ARHGAP10: variants seen among roughly 807,000 people sequenced by gnomAD.
ARHGAP10 encodes the protein Rho GTPase activating protein 10.
ARHGAP10 carries 87 observed loss-of-function variants against 108.6 expected under a neutral mutation model. That is an observed-to-expected ratio of 0.80 (90% CI 0.67 to 0.96). ARHGAP10 has a LOEUF of 0.96. Ranked by LOEUF, ARHGAP10 falls within the 40% of genes least tolerant of loss-of-function variation. ARHGAP10 has a pLI of 0.00. For missense variants in ARHGAP10, 939 were observed against 954.5 expected, an observed-to-expected ratio of 0.98 and a Z score of 0.21; for synonymous variants, 347 against 341.1, an observed-to-expected ratio of 1.02 and a Z score of -0.19.
chr4:148,036,254 A>C (rs935926903), intron 19 of ARHGAP10, among the ~76,000 whole-genome samples: 2 of 152,082 alleles, frequency 1.3e-5, no homozygotes, highest in African/African-American at 4.8e-5. Context: ...CTTTCTGTAG[A>C]TCTTATCTGT....
chr4:147,760,795 C>T (rs1421081948), intron 1 of ARHGAP10, among the ~76,000 whole-genome samples: 1 of 152,108 alleles, frequency 6.6e-6, no homozygotes, highest in Non-Finnish European at 1.5e-5. Flanking sequence ...ATGTTAGTCT[C>T]CTCTGGGAGG....
intron 4 of ARHGAP10, among the ~76,000 whole-genome samples, chr4:147,855,053 A>G (rs1195000244): frequency 1.3e-5 from 2 of 152,236 alleles, no homozygotes; most frequent in Non-Finnish European, 2.9e-5. Flanking sequence ...ATAAGGTGGT[A>G]AAAATGTTTT....
intron 10 of ARHGAP10, 141 bp from the exon 11 acceptor site, chr4:147,906,497 C>T (rs1417068945): frequency 2.8e-6 from 2 of 711,992 alleles, no homozygotes; most frequent in East Asian, 2.7e-5. Context: ...ACTTAAAAAT[C>T]GTTAAGATGA....
chr4:148,071,715 A>G (rs1362383499), intron 22 of ARHGAP10, among the ~76,000 whole-genome samples: 1 of 152,112 alleles, frequency 6.6e-6, no homozygotes, highest in Non-Finnish European at 1.5e-5. Flanking sequence ...TAGAGAGTTC[A>G]CTGTGCATGT....
chr4:147,783,482 T>G (rs28449211), intron 1 of ARHGAP10, among the ~76,000 whole-genome samples: 3 of 141,608 alleles, frequency 2.1e-5, no homozygotes, highest in African/African-American at 5.1e-5. Context: ...ATAATTTATA[T>G]AGCACACATT....
chr4:147,879,655 A>C (rs1735246498), intron 9 of ARHGAP10, among the ~76,000 whole-genome samples: 1 of 152,038 alleles, frequency 6.6e-6, no homozygotes. Context: ...TCAACCCATC[A>C]TCTACATTAG....
chr4:147,775,907 C>A (rs986343157), intron 1 of ARHGAP10, among the ~76,000 whole-genome samples: 3 of 152,012 alleles, frequency 2.0e-5, no homozygotes, highest in Admixed American at 1.3e-4. Flanking sequence ...TTGACCCTTC[C>A]CACAACAACA....
intron 3 of ARHGAP10, among the ~76,000 whole-genome samples, chr4:147,836,990 T>G: frequency 6.6e-6 from 1 of 152,230 alleles, no homozygotes; most frequent in East Asian, 1.9e-4. Flanking sequence ...TGGCCTCCTA[T>G]TTTTCCGTGC....
intron 1 of ARHGAP10, among the ~76,000 whole-genome samples, chr4:147,799,699 C>T (rs1731496280): frequency 6.6e-6 from 1 of 152,106 alleles, no homozygotes; most frequent in Non-Finnish European, 1.5e-5. Flanking sequence ...TTTCTAGTTT[C>T]TCATTTGTTT....
At chr4:147,964,093 G>C (rs535212096) in intron 16 of ARHGAP10, among the ~76,000 whole-genome samples, 6 of 152,140 alleles carry the variant, frequency 3.9e-5, no homozygotes, top group Non-Finnish European at 7.3e-5. Context: ...CCCAGGGCTG[G>C]CCCATTCCTG....
At chr4:147,760,289 G>C (rs1297475432) in intron 1 of ARHGAP10, among the ~76,000 whole-genome samples, 1 of 152,206 alleles carries the variant, frequency 6.6e-6, no homozygotes, top group East Asian at 1.9e-4. Context: ...AACTGAAGGA[G>C]GTAAGTGCGT....
intron 4 of ARHGAP10, among the ~76,000 whole-genome samples, chr4:147,854,394 C>T (rs1158789205): frequency 6.6e-6 from 1 of 152,180 alleles, no homozygotes; most frequent in Non-Finnish European, 1.5e-5. Flanking sequence ...TAGACGAGGA[C>T]TATCTGGTTT....
At chr4:147,968,265 G>A (rs145509797) in intron 18 of ARHGAP10, among the ~76,000 whole-genome samples, 3 of 152,304 alleles carry the variant, frequency 2.0e-5, no homozygotes, top group African/African-American at 7.2e-5. Flanking sequence ...GCTGTCTCAA[G>A]CCCCCTCAAA....
intron 18 of ARHGAP10, among the ~76,000 whole-genome samples, chr4:148,002,718 T>C (rs1273544812): frequency 1.3e-5 from 2 of 152,254 alleles, no homozygotes; most frequent in East Asian, 3.8e-4. Flanking sequence ...TTTATAGTAT[T>C]CTGTGATGGT....
Position 148,046,971 on chromosome 4 carries a change from A to G in ARHGAP10, c.1947A>G (p.Thr649=), listed in dbSNP as rs962793841. The change falls in exon 20 of 23, where the codon ACA becomes ACG. Residue 649 remains threonine (T), a synonymous_variant. Coordinates refer to ENST00000336498, the MANE Select transcript of ARHGAP10 (RefSeq NM_024605.4). ...DSLSSPSPVT[T]AVPGPPGPDK... ...TTTCCTCCCCGTCTCCCGTGACTACAGCTGTCCCTGGGCCTCCTGGACCAG... is the reference window on the plus strand; with the variant it reads ...TTTCCTCCCCGTCTCCCGTGACTACGGCTGTCCCTGGGCCTCCTGGACCAG... 6.2e-7 allele frequency: 1 copy of G among 1,614,170 alleles called. No homozygotes were observed.
chr4:148,033,446 A>G (rs1419550152), intron 19 of ARHGAP10, among the ~76,000 whole-genome samples: 1 of 152,228 alleles, frequency 6.6e-6, no homozygotes, highest in Non-Finnish European at 1.5e-5. Context: ...AGGAAAACCT[A>G]TATATTTAAA....
At position 147,758,107 on chromosome 4, in the gene ARHGAP10, A is replaced by G. The variant is rs112610876; in HGVS notation, c.154+25652A>G. On this transcript the variant is annotated intron_variant, in intron 1 of 22. Coordinates refer to ENST00000336498, the MANE Select transcript of ARHGAP10 (RefSeq NM_024605.4). The stretch of plus-strand genomic sequence containing the variant: ...GAGAAACCCCGTCCATACTGAAAAT[A>G]CAAAAATTAGCTGGGCGTGGTAGCA... Among the ~76,000 whole-genome samples, 1,464 of 152,288 alleles carry G rather than the reference A, an allele frequency of 9.6e-3. 32 individuals carry two copies. The highest frequency in any genetic ancestry group is 0.033 in the African/African-American group (1,378 of 41,548).
At chr4:147,766,876 G>A (rs1334234058) in intron 1 of ARHGAP10, among the ~76,000 whole-genome samples, 1 of 142,220 alleles carries the variant, frequency 7.0e-6, no homozygotes. Context: ...ATGGAGTCTT[G>A]CTCTGTCGCC....
intron 1 of ARHGAP10, among the ~76,000 whole-genome samples, chr4:147,808,145 T>C (rs1474908218): frequency 6.6e-6 from 1 of 152,144 alleles, no homozygotes; most frequent in Non-Finnish European, 1.5e-5. Context: ...GCATCTACTT[T>C]ATATACAACT....
Sources: allele counts gnomAD v4.1 joint callset (sites outside exome capture counted in the v4.1 genomes callset), GRCh38; gene constraint gnomAD v4.1.1; transcripts MANE v1.5; gene names NCBI Gene and HGNC (gene_info 2026-07-23, HGNC 2026-07-21).